Variants in FIGN observed in about 807,000 individuals in gnomAD.
FIGN encodes the protein fidgetin.
A neutral mutation model predicts 51.3 loss-of-function variants in FIGN; 11 were observed. The observed-to-expected ratio is 0.21, with a 90% CI of 0.13 to 0.35. FIGN has a LOEUF of 0.35. Ranked by LOEUF, FIGN falls within the 10% of genes least tolerant of loss-of-function variation. FIGN has a pLI of 1.00. For missense variants in FIGN, 857 were observed against 943.6 expected, an observed-to-expected ratio of 0.91 and a Z score of 1.20; for synonymous variants, 407 against 363.2, an observed-to-expected ratio of 1.12 and a Z score of -1.37.
intron 2 of FIGN, among the ~76,000 whole-genome samples, chr2:163,661,380 C>T (rs1683680628): frequency 6.6e-6 from 1 of 151,448 alleles, no homozygotes; most frequent in Non-Finnish European, 1.5e-5. Context: ...GCTGGAACTA[C>T]AGGCATGCAC....
chr2:163,644,382 T>C lies in FIGN; in HGVS notation c.26-32576A>G, dbSNP rs80127302. Among the ~76,000 whole-genome samples, 550 of 152,194 alleles carry C rather than the reference T, an allele frequency of 3.6e-3. 14 individuals are homozygous for C. The East Asian group carries it at 0.077, about 21-fold the overall frequency. Reference sequence around the variant, plus strand: ...AATGCAAATCAAAACCACAATGAAATACCATTTCATACTTCCCAGGAGGGC... The same window carrying C: ...AATGCAAATCAAAACCACAATGAAACACCATTTCATACTTCCCAGGAGGGC... On this transcript the variant is annotated intron_variant, in intron 2 of 2. Transcript: ENST00000333129.
At position 163,611,116 on chromosome 2, in the gene FIGN, G is replaced by A; in HGVS notation, c.716C>T (p.Thr239Ile). 6.2e-7 allele frequency: 1 copy of A among 1,614,150 alleles called. No individual in the cohort carries two copies. Among genetic ancestry groups the A allele is most frequent in the Non-Finnish European group, 8.5e-7 (1 of 1,180,028 alleles). The change falls in exon 3 of 3, where the codon ACT becomes ATT. Residue 239 changes from threonine (T) to isoleucine (I), a missense_variant. Coordinates refer to ENST00000333129, the MANE Select transcript of FIGN (RefSeq NM_018086.4). ...PPALVPGYNG[T>I]SNLSSYSYPS... is the part of the protein sequence containing the mutation. Reference sequence around the variant, plus strand: ...ATAGCTGTAACTGGAGAGGTTAGAAGTCCCATTGTAGCCTGGGACCAAGGC... The same window carrying A: ...ATAGCTGTAACTGGAGAGGTTAGAAATCCCATTGTAGCCTGGGACCAAGGC...
In FIGN at chr2:163,611,579, G is replaced by A. The variant is rs568198210; in HGVS notation, c.253C>T (p.Arg85Ter). Residue 85 changes from arginine (R) to a stop codon, truncating the protein, a stop_gained, in exon 3 of 3, where the codon CGA (arginine) becomes TGA (stop). Coordinates refer to ENST00000333129, the MANE Select transcript of FIGN (RefSeq NM_018086.4). LOFTEE classifies it high-confidence loss of function. Reference protein sequence around the residue: ...YSGILEGPVDRPVLSNYSDTP... With the variant: ...YSGILEGPVD ...TCCGAATAGTTGCTGAGTACGGGTCGGTCCACAGGACCTTCCAAAATGCCG... is the reference window on the plus strand; with the variant it reads ...TCCGAATAGTTGCTGAGTACGGGTCAGTCCACAGGACCTTCCAAAATGCCG... 6.2e-7 allele frequency: 1 copy of A among 1,614,156 alleles called. No homozygotes were observed. Among genetic ancestry groups the A allele is most frequent in the Admixed American group, 1.7e-5 (1 of 60,028 alleles).
At chr2:163,632,406 CAT>C (rs948195278) in intron 2 of FIGN, among the ~76,000 whole-genome samples, 6 of 152,186 alleles carry the variant, frequency 3.9e-5, no homozygotes, top group Admixed American at 3.9e-4. Context: ...AAAGGCTTAA[CAT>C]GTGTGCTTTA....
At chr2:163,646,136 C>A (rs912206695) in intron 2 of FIGN, among the ~76,000 whole-genome samples, 2 of 152,080 alleles carry the variant, frequency 1.3e-5, no homozygotes, top group African/African-American at 4.8e-5. Flanking sequence ...ACTGTCAAAT[C>A]AAGAGCAATT....
chr2:163,631,744 A>G (rs2105311145), intron 2 of FIGN, among the ~76,000 whole-genome samples: 1 of 152,348 alleles, frequency 6.6e-6, no homozygotes, highest in Admixed American at 6.5e-5. Context: ...TATCATTAGA[A>G]CAGGGAAGGT....
rs1289059829 is a variant in FIGN, at chr2:163,625,071, G to T, written c.26-13265C>A. Reference sequence around the variant, plus strand: ...ATATTCATTGTACAGCAAATTTTAGGCTAGTGCCAACTTAGTCAAGAGGTT... The same window carrying T: ...ATATTCATTGTACAGCAAATTTTAGTCTAGTGCCAACTTAGTCAAGAGGTT... On this transcript the variant is annotated intron_variant, in intron 2 of 2. Transcript: ENST00000333129. Among the ~76,000 whole-genome samples, 9 of 151,898 alleles carry T rather than the reference G, an allele frequency of 5.9e-5. No individual in the cohort carries two copies. The East Asian group carries it at 1.7e-3, about 29-fold the overall frequency.
chr2:163,722,909 G>A (rs550021741), intron 2 of FIGN, among the ~76,000 whole-genome samples: 3 of 151,804 alleles, frequency 2.0e-5, no homozygotes, highest in South Asian at 2.1e-4. Flanking sequence ...TTAACTGGCC[G>A]GGCATGGTGG....
rs1436875007 is a variant in FIGN at position 163,607,992 on chromosome 2, T to G, written c.*1560A>C. ...TAGGGGTGGGGCTGGTAGACTGAGG[T>G]GGAAGTAAGCACAAATGCTGATGTC... is the stretch of plus-strand genomic sequence containing the variant. On this transcript the variant is annotated 3_prime_UTR_variant, in exon 3 of 3. Coordinates refer to ENST00000333129, the MANE Select transcript of FIGN (RefSeq NM_018086.4). 6.6e-6 allele frequency: 1 copy of G among 152,476 alleles called. No individual in the cohort carries two copies. The highest frequency in any genetic ancestry group is 1.5e-5 in the Non-Finnish European group (1 of 68,002). 9.4% of individuals were successfully genotyped at this position (152,476 alleles called of 1,614,324 possible).
intron 2 of FIGN, 73 bp downstream of exon 2, chr2:163,734,830 A>C: frequency 6.9e-7 from 1 of 1,439,256 alleles, no homozygotes. Flanking sequence ...GCAGTCTTCA[A>C]TGGTTTTATC....
chr2:163,609,522 T>C lies in FIGN; in HGVS notation c.*30A>G, dbSNP rs151191583. The C allele has an allele frequency of 3.8e-4, 577 of 1,537,280 alleles. 4 individuals are homozygous for C. In the East Asian group the frequency reaches 9.7e-3, roughly 26 times the overall value. The stretch of plus-strand genomic sequence containing the variant: ...AGGTTTTATGTGTGTGTGCCAACAT[T>C]CATTACATTTTTTTTTTCTAAAGAA... On this transcript the variant is annotated 3_prime_UTR_variant, in exon 3 of 3. Coordinates refer to ENST00000333129, the MANE Select transcript of FIGN (RefSeq NM_018086.4).
At chr2:163,711,582 T>C (rs1340124462) in intron 2 of FIGN, among the ~76,000 whole-genome samples, 1 of 151,732 alleles carries the variant, frequency 6.6e-6, no homozygotes, top group Non-Finnish European at 1.5e-5. Flanking sequence ...TAACCTGCAG[T>C]TCCTGAAGAG....
At position 163,607,579 on chromosome 2, in the gene FIGN, T is replaced by A. The variant is rs1383320353; in HGVS notation, c.*1973A>T. 6.6e-6 allele frequency: 1 copy of A among 152,458 alleles called. No homozygotes were observed. The highest frequency in any genetic ancestry group is 1.5e-5 in the Non-Finnish European group (1 of 68,008). 9.4% of individuals were successfully genotyped at this position (152,458 alleles called of 1,614,324 possible). On this transcript the variant is annotated 3_prime_UTR_variant, in exon 3 of 3. Transcript: ENST00000333129. ...ATATTGTGGATAAGATCGGTAAAAA[T>A]TTTTGTAAGAAAAAAAAAACAGAAA...
chr2:163,700,268 C>T (rs1444289028), intron 2 of FIGN, among the ~76,000 whole-genome samples: 1 of 152,008 alleles, frequency 6.6e-6, no homozygotes, highest in Non-Finnish European at 1.5e-5. Context: ...AAGGCACTTC[C>T]TTATGTAACT....
intron 2 of FIGN, among the ~76,000 whole-genome samples, chr2:163,701,523 C>CTA (rs1325437343): frequency 6.6e-6 from 1 of 152,082 alleles, no homozygotes; most frequent in Admixed American, 6.6e-5. Context: ...GCGGATGGTT[C>CTA]CCTGGAAACC....
chr2:163,665,896 T>C (rs1683765050), intron 2 of FIGN, among the ~76,000 whole-genome samples: 1 of 152,198 alleles, frequency 6.6e-6, no homozygotes, highest in Non-Finnish European at 1.5e-5. Flanking sequence ...ATGAGACCTA[T>C]GGTTTTATTT....
chr2:163,631,604 C>T (rs1683146997), intron 2 of FIGN, among the ~76,000 whole-genome samples: 1 of 152,134 alleles, frequency 6.6e-6, no homozygotes, highest in African/African-American at 2.4e-5. Flanking sequence ...CCTTCCCTCC[C>T]TTTCCACCAT....
intron 2 of FIGN, among the ~76,000 whole-genome samples, chr2:163,649,188 A>G (rs1000960305): frequency 3.3e-5 from 5 of 152,176 alleles, no homozygotes; most frequent in African/African-American, 1.2e-4. Context: ...AAGCAGGCCC[A>G]TGGGACCATG....
At chr2:163,731,081 T>C (rs1559035844) in intron 2 of FIGN, among the ~76,000 whole-genome samples, 1 of 152,102 alleles carries the variant, frequency 6.6e-6, no homozygotes, top group Non-Finnish European at 1.5e-5. Flanking sequence ...AGTGATTACT[T>C]AATTAGGCAA....
Sources: allele counts gnomAD v4.1 joint callset (sites outside exome capture counted in the v4.1 genomes callset), GRCh38; gene constraint gnomAD v4.1.1; transcripts MANE v1.5; gene names NCBI Gene and HGNC (gene_info 2026-07-23, HGNC 2026-07-21).